The following SPATA2 variants were observed in gnomAD, a reference collection of about 807,000 sequenced individuals.
SPATA2 encodes spermatogenesis associated 2, also known as spermatogenesis-associated protein 2.
SPATA2 carries 8 observed loss-of-function variants against 35.4 expected under a neutral mutation model. The ratio of observed to expected loss-of-function variants is 0.23; its 90% CI spans 0.13 to 0.41. The LOEUF (loss-of-function observed/expected upper bound fraction) is 0.41. Ranked by LOEUF, SPATA2 falls within the 10% of genes least tolerant of loss-of-function variation. The pLI is 1.00. For synonymous variants in SPATA2, 293 were observed against 300.9 expected (o/e 0.97, Z 0.27); for missense variants, 650 against 698.7 (o/e 0.93, Z 0.79).
rs1042361496 is a variant in SPATA2 at position 49,915,509 on chromosome 20, G to C, written c.-232C>G. The C allele has an allele frequency of 6.6e-6, 1 of 152,284 alleles. No individual in the cohort carries two copies. Among genetic ancestry groups the C allele is most frequent in the Non-Finnish European group, 1.5e-5 (1 of 68,102 alleles). 9.4% of individuals were successfully genotyped at this position (152,284 alleles called of 1,614,324 possible). ...AGGGGTACTGAGACCAGTACCCGGG[G>C]GCCAGCAGCGACCCGGAAACACTCG... is the stretch of plus-strand genomic sequence containing the variant. On this transcript the variant is annotated 5_prime_UTR_variant, in exon 1 of 3. Coordinates refer to ENST00000289431, the MANE Select transcript of SPATA2 (RefSeq NM_006038.4).
At chr20:49,910,070 G>T (rs536109267) in intron 1 of SPATA2, among the ~76,000 whole-genome samples, 1 of 152,170 alleles carries the variant, frequency 6.6e-6, no homozygotes, top group Non-Finnish European at 1.5e-5. Context: ...CTTGTTAGTA[G>T]AACAGGCACA....
intron 2 of SPATA2, among the ~76,000 whole-genome samples, 176 bp from the exon 3 acceptor site, chr20:49,907,021 T>A (rs2090150266): frequency 6.6e-6 from 1 of 152,168 alleles, no homozygotes. Flanking sequence ...GAGCTGGGGC[T>A]TGCTAAGCAC....
rs1010228084 is a variant in SPATA2, at chr20:49,912,917, A to C, written c.-103+2463T>G. Reference sequence around the variant, plus strand: ...ATTAAGGGCAAGACAAGCCTGGACAACATAGTTAGACTCCGTCTCTACAAA... The same window carrying C: ...ATTAAGGGCAAGACAAGCCTGGACACCATAGTTAGACTCCGTCTCTACAAA... On this transcript the variant is annotated intron_variant, in intron 1 of 2. Transcript: ENST00000289431. Among the ~76,000 whole-genome samples the C allele has an allele frequency of 2.7e-5, 4 of 150,070 alleles. No individual in the cohort carries two copies. In the East Asian group the frequency reaches 8.0e-4, roughly 30 times the overall value.
rs1400554063 is a variant in SPATA2, at chr20:49,903,904, TATATATA to T, written c.*1708_*1714del. ...ATCTACATGTGATCTACCAGATAGA[TATATATA>T]TATATATATATATATATATATATAT... On this transcript the variant is annotated 3_prime_UTR_variant, in exon 3 of 3. Transcript: ENST00000289431. 1 of 11,312 alleles carries T rather than the reference TATATATA, an allele frequency of 8.8e-5. No individual in the cohort carries two copies. The highest frequency in any genetic ancestry group is 1.8e-4 in the Non-Finnish European group (1 of 5,698). The allele number at this position is 11,312 out of a possible 1,614,324, so 0.7% of individuals were successfully genotyped here. A position where few individuals can be genotyped will look rare whatever the true frequency, so the allele number is the denominator to read the frequency against.
chr20:49,909,485 G>A (rs2090170433), intron 1 of SPATA2, among the ~76,000 whole-genome samples: 1 of 151,970 alleles, frequency 6.6e-6, no homozygotes. Context: ...GGGGGAGGAT[G>A]GCTTGAGTCC....
rs772813044 is a variant in SPATA2, at chr20:49,906,542, G to A, written c.640C>T (p.Arg214Trp). 2.4e-5 allele frequency: 38 copies of A among 1,612,972 alleles called. No homozygotes were observed. Among genetic ancestry groups the A allele is most frequent in the Admixed American group, 3.3e-5 (2 of 59,986 alleles). ...GTCAGGTGCTCCCGGCCCTCTGCCC[G>A]CCGCCGCAGGGCGTCCGAGCAGCCG... The part of the protein sequence containing the change: ...VRGCSDALRR[R>W]AEGREHLTAS... Residue 214 changes from arginine (R) to tryptophan (W), a missense_variant, in exon 3 of 3, where the codon CGG becomes TGG. Physicochemically the swap from Arg to Trp is moderately radical, Grantham distance 101. Coordinates refer to ENST00000289431, the MANE Select transcript of SPATA2 (RefSeq NM_006038.4). The surrounding 1 kb of genome is among the most constrained non-coding windows in gnomAD (Gnocchi z 8.2).
rs776882041 is a variant in SPATA2 at position 49,906,261 on chromosome 20, G to A, written c.921C>T (p.Gly307=). The A allele has an allele frequency of 6.0e-5, 94 of 1,571,082 alleles. No individual in the cohort carries two copies. Among genetic ancestry groups the A allele is most frequent in the Non-Finnish European group, 7.7e-5 (89 of 1,157,156 alleles). ...SLLTMASSPH[G]SPDVLPPASP... ...AGGCGGGTGGAAGCACATCCGGGCT[G>A]CCGTGGGGGGAGCTGGCCATGGTCA... The change falls in exon 3 of 3, where the codon GGC becomes GGT. Residue 307 remains glycine (G), a synonymous_variant. Coordinates refer to ENST00000289431, the MANE Select transcript of SPATA2 (RefSeq NM_006038.4). The surrounding 1 kb of genome is among the most constrained non-coding windows in gnomAD (Gnocchi z 8.2).
chr20:49,906,839 T>C lies in SPATA2; in HGVS notation c.343A>G (p.Thr115Ala). Residue 115 changes from threonine to alanine, a missense_variant, in exon 3 of 3, where the codon ACG (threonine) becomes GCG (alanine). Thr to Ala is a moderately conservative substitution (Grantham distance 58, BLOSUM62 0). Coordinates refer to ENST00000289431, the MANE Select transcript of SPATA2 (RefSeq NM_006038.4). The surrounding 1 kb of genome is among the most constrained non-coding windows in gnomAD (Gnocchi z 8.2). ...KKEFRSIKTY[T>A]GPFVYYVKST... ...TTGACATAATAAACAAAAGGGCCCG[T>C]GTAGGTCTAGAAGGGAGGGAGTAGA... is the stretch of plus-strand genomic sequence containing the variant. 2 of 1,608,306 alleles carry C rather than the reference T, an allele frequency of 1.2e-6. No individual in the cohort carries two copies. Among genetic ancestry groups the C allele is most frequent in the South Asian group, 1.1e-5 (1 of 90,916 alleles).
At position 49,905,550 on chromosome 20, in the gene SPATA2, T is replaced by C; in HGVS notation, c.*69A>G. On this transcript the variant is annotated 3_prime_UTR_variant, in exon 3 of 3. Coordinates refer to ENST00000289431, the MANE Select transcript of SPATA2 (RefSeq NM_006038.4). ...TCCGCCTCTGAGATCAATGCGTTAG[T>C]ACTTCTTCACCGTGAAACCCGAAAG... 1 of 1,548,626 alleles carries C rather than the reference T, an allele frequency of 6.5e-7. No individual in the cohort carries two copies. The highest frequency in any genetic ancestry group is 8.8e-7 in the Non-Finnish European group (1 of 1,134,652).
In SPATA2 at chr20:49,904,798, A is replaced by C. The variant is rs1568905025; in HGVS notation, c.*821T>G. 1 of 152,620 alleles carries C rather than the reference A, an allele frequency of 6.6e-6. No individual in the cohort carries two copies. The highest frequency in any genetic ancestry group is 1.5e-5 in the Non-Finnish European group (1 of 68,038). 9.5% of individuals were successfully genotyped at this position (152,620 alleles called of 1,614,324 possible). On this transcript the variant is annotated 3_prime_UTR_variant, in exon 3 of 3. Coordinates refer to ENST00000289431, the MANE Select transcript of SPATA2 (RefSeq NM_006038.4). ...AGGGCATTTAATAAATAGCTACATA[A>C]TTCATTTTTTTAACCACGTTGAAAC... is the stretch of plus-strand genomic sequence containing the variant.
In SPATA2 at chr20:49,906,267, G is replaced by C; in HGVS notation, c.915C>G (p.Pro305=). 2 of 1,572,046 alleles carry C rather than the reference G, an allele frequency of 1.3e-6. No individual in the cohort carries two copies. The highest frequency in any genetic ancestry group is 2.2e-5 in the East Asian group (1 of 44,518). The change falls in exon 3 of 3, where the codon CCC becomes CCG. Residue 305 remains proline, a synonymous_variant. Transcript: ENST00000289431. The surrounding 1 kb of genome is among the most constrained non-coding windows in gnomAD (Gnocchi z 8.2). Reference sequence around the variant, plus strand: ...GTGGAAGCACATCCGGGCTGCCGTGGGGGGAGCTGGCCATGGTCAGCAGCG... The same window carrying C: ...GTGGAAGCACATCCGGGCTGCCGTGCGGGGAGCTGGCCATGGTCAGCAGCG... ...SPSLLTMASS[P]HGSPDVLPPA...
At position 49,903,967 on chromosome 20, in the gene SPATA2, T is replaced by C. The variant is rs1436257852; in HGVS notation, c.*1652A>G. ...TATATATATATTAAAAAGAGAGCCA[T>C]AGAAGATTTGGAAAACCTTAAAATC... On this transcript the variant is annotated 3_prime_UTR_variant, in exon 3 of 3. Coordinates refer to ENST00000289431, the MANE Select transcript of SPATA2 (RefSeq NM_006038.4). 1 of 136,706 alleles carries C rather than the reference T, an allele frequency of 7.3e-6. No homozygotes were observed. The highest frequency in any genetic ancestry group is 7.6e-5 in the Admixed American group (1 of 13,132). 8.5% of individuals were successfully genotyped at this position (136,706 alleles called of 1,614,324 possible).
rs781313063 is a variant in SPATA2 at position 49,908,450 on chromosome 20, T to A, written c.41A>T (p.Asp14Val). The A allele has an allele frequency of 1.2e-6, 2 of 1,605,798 alleles. No homozygotes were observed. Among genetic ancestry groups the A allele is most frequent in the Non-Finnish European group, 1.7e-6 (2 of 1,173,028 alleles). ...PSSMDTKFKD[D>V]LFRKYVQFHE... Reference sequence around the variant, plus strand: ...GAACTGCACGTACTTCCGAAATAAGTCATCCTTGAATTTAGTATCCATTGA... The same window carrying A: ...GAACTGCACGTACTTCCGAAATAAGACATCCTTGAATTTAGTATCCATTGA... Residue 14 changes from aspartate (D) to valine (V), a missense_variant, in exon 2 of 3, where the codon GAC (aspartate) becomes GTC (valine). Transcript: ENST00000289431.
Position 49,906,115 on chromosome 20 carries a change from T to G in SPATA2, c.1067A>C (p.Asp356Ala). ...TYRRQDALRP[D>A]VWLLRNDAHS... is the part of the protein sequence containing the mutation. Reference sequence around the variant, plus strand: ...GGCATCGTTTCTGAGCAGCCACACATCCGGCCGCAGAGCATCCTGCCGACG... The same window carrying G: ...GGCATCGTTTCTGAGCAGCCACACAGCCGGCCGCAGAGCATCCTGCCGACG... Residue 356 changes from aspartate (D) to alanine (A), a missense_variant, in exon 3 of 3, where the codon GAT becomes GCT. Coordinates refer to ENST00000289431, the MANE Select transcript of SPATA2 (RefSeq NM_006038.4). This position sits in a 1 kb window ranked among gnomAD's most constrained non-coding sequence, Gnocchi z 8.2. 6.2e-7 allele frequency: 1 copy of G among 1,612,258 alleles called. No homozygotes were observed. The highest frequency in any genetic ancestry group is 8.5e-7 in the Non-Finnish European group (1 of 1,179,562).
At chr20:49,912,959 AT>A (rs1350077604) in intron 1 of SPATA2, among the ~76,000 whole-genome samples, 8 of 141,998 alleles carry the variant, frequency 5.6e-5, no homozygotes, top group Admixed American at 4.3e-4. Context: ...AAAAAAAAAA[AT>A]TAGGTGGGTG....
In SPATA2 at chr20:49,906,064, G is replaced by C; in HGVS notation, c.1118C>G (p.Pro373Arg). Residue 373 changes from proline to arginine, a missense_variant, in exon 3 of 3, where the codon CCC becomes CGC. Physicochemically the swap from Pro to Arg is moderately radical, Grantham distance 103. Coordinates refer to ENST00000289431, the MANE Select transcript of SPATA2 (RefSeq NM_006038.4). This position sits in a 1 kb window ranked among gnomAD's most constrained non-coding sequence, Gnocchi z 8.2. ...GGAGAGGGCGGACTCTTTGGCAGGGGGCGAGCGCTTGTGGTAGAGGGAGTG... is the reference window on the plus strand; with the variant it reads ...GGAGAGGGCGGACTCTTTGGCAGGGCGCGAGCGCTTGTGGTAGAGGGAGTG... ...DAHSLYHKRSPPAKESALSKC... is the reference protein window; with the variant it reads ...DAHSLYHKRSRPAKESALSKC... The C allele has an allele frequency of 6.2e-7, 1 of 1,607,128 alleles. No individual in the cohort carries two copies. The highest frequency in any genetic ancestry group is 8.5e-7 in the Non-Finnish European group (1 of 1,179,490).
intron 2 of SPATA2, among the ~76,000 whole-genome samples, chr20:49,907,893 G>A (rs2090158007): frequency 6.7e-6 from 1 of 150,196 alleles, no homozygotes; most frequent in African/African-American, 2.5e-5. Context: ...CGCCTACTCA[G>A]AACAAATCCA....
chr20:49,905,816 G>A lies in SPATA2; in HGVS notation c.1366C>T (p.Pro456Ser). 1 of 1,614,210 alleles carries A rather than the reference G, an allele frequency of 6.2e-7. No individual in the cohort carries two copies. Among genetic ancestry groups the A allele is most frequent in the Non-Finnish European group, 8.5e-7 (1 of 1,180,030 alleles). Residue 456 changes from proline to serine, a missense_variant, in exon 3 of 3, where the codon CCC becomes TCC. Pro to Ser is a moderately conservative substitution (Grantham distance 74, BLOSUM62 -1). Coordinates refer to ENST00000289431, the MANE Select transcript of SPATA2 (RefSeq NM_006038.4). ...TTGCAGAAGCCACAGCGGGAAGTGG[G>A]CGTGGTGGAGGGCTTGGATTTGGAG... ...LHSKSKPSTTPTSRCGFCNRP... is the reference protein window; with the variant it reads ...LHSKSKPSTTSTSRCGFCNRP...
Position 49,906,233 on chromosome 20 carries a change from G to C in SPATA2, c.949C>G (p.Pro317Ala). 1 of 1,568,750 alleles carries C rather than the reference G, an allele frequency of 6.4e-7. No individual in the cohort carries two copies. The highest frequency in any genetic ancestry group is 8.7e-7 in the Non-Finnish European group (1 of 1,155,832). The change falls in exon 3 of 3, where the codon CCC becomes GCC. Residue 317 changes from proline to alanine, a missense_variant. Transcript: ENST00000289431. This position sits in a 1 kb window ranked among gnomAD's most constrained non-coding sequence, Gnocchi z 8.2. Reference protein sequence around the residue: ...GSPDVLPPASPSNGPALLRGT... With the variant: ...GSPDVLPPASASNGPALLRGT... ...CGCAGCAGGGCCGGGCCGTTGCTGG[G>C]GGAGGCGGGTGGAAGCACATCCGGG...
Sources: allele counts gnomAD v4.1 joint callset (sites outside exome capture counted in the v4.1 genomes callset), GRCh38; gene constraint gnomAD v4.1.1; non-coding constraint Gnocchi (gnomAD v3.1); transcripts MANE v1.5; gene names NCBI Gene and HGNC (gene_info 2026-07-23, HGNC 2026-07-21).